SMC1A: variants seen among roughly 807,000 people sequenced by gnomAD.
The protein encoded by SMC1A is structural maintenance of chromosomes protein 1A.
SMC1A carries 4 observed loss-of-function variants against 94.5 expected under a neutral mutation model. That is an observed-to-expected ratio of 0.04 (90% CI 0.02 to 0.10). The LOEUF is 0.10. Ranked by LOEUF, SMC1A falls within the 10% of genes least tolerant of loss-of-function variation. The pLI, the probability that SMC1A is intolerant of heterozygous loss-of-function variation, is 1.00. For synonymous variants in SMC1A, 345 were observed against 347.7 expected (o/e 0.99, Z 0.09); for missense variants, 304 against 989.0 (o/e 0.31, Z 9.29).
At chrX:53,400,692 T>TC (rs2075667674) in intron 15 of SMC1A, among the ~76,000 whole-genome samples, 1 of 111,196 alleles carries the variant, frequency 9.0e-6, no homozygotes, top group Non-Finnish European at 1.9e-5. Context: ...CCTCTCCATC[T>TC]CTTCAGAAAC....
chrX:53,393,528 T>C (rs2075637573), intron 19 of SMC1A, among the ~76,000 whole-genome samples: 1 of 111,732 alleles, frequency 8.9e-6, no homozygotes, highest in Non-Finnish European at 1.9e-5. Context: ...TTTTCAGATA[T>C]AATATTATGG....
intron 19 of SMC1A, among the ~76,000 whole-genome samples, chrX:53,384,400 AC>A (rs2075596820): frequency 9.1e-6 from 1 of 109,526 alleles, no homozygotes; most frequent in African/African-American, 3.3e-5. Context: ...AGTAGCTGGG[AC>A]TACGGACACG....
At chrX:53,384,712 C>T (rs1176902077) in intron 19 of SMC1A, among the ~76,000 whole-genome samples, 2 of 111,249 alleles carry the variant, frequency 1.8e-5, no homozygotes, top group Non-Finnish European at 3.8e-5. Context: ...TTTTGGGAGC[C>T]TGTCAGGAAA....
chrX:53,386,843 TGGTTAGAC>T (rs1314261905), intron 19 of SMC1A, among the ~76,000 whole-genome samples: 1 of 112,135 alleles, frequency 8.9e-6, no homozygotes, highest in African/African-American at 3.2e-5. Flanking sequence ...TATATTAAGC[TGGTTAGAC>T]ACTCAGATAA....
intron 15 of SMC1A, among the ~76,000 whole-genome samples, chrX:53,403,049 C>A (rs1182881908): frequency 3.0e-5 from 3 of 99,678 alleles, no homozygotes; most frequent in Non-Finnish European, 4.0e-5. Flanking sequence ...ATTAGCCGGG[C>A]GTGGTGGCAA....
intron 24 of SMC1A, among the ~76,000 whole-genome samples, 172 bp from the exon 25 acceptor site, chrX:53,380,358 C>T (rs782204265): frequency 9.0e-6 from 1 of 111,648 alleles, no homozygotes; most frequent in South Asian, 3.8e-4. Context: ...TGCCTTCGCT[C>T]CTTGCCTACT....
chrX:53,415,427 C>A (rs782659301), intron 1 of SMC1A, among the ~76,000 whole-genome samples: 21 of 110,851 alleles, frequency 1.9e-4, no homozygotes, highest in Non-Finnish European at 1.5e-4. Flanking sequence ...GTGACTCACA[C>A]CTGTAATCCC....
chrX:53,413,750 T>C (rs1295053941), intron 3 of SMC1A, among the ~76,000 whole-genome samples: 14 of 111,255 alleles, frequency 1.3e-4, no homozygotes, highest in East Asian at 1.1e-3. Flanking sequence ...GTGCTGAGTT[T>C]GGAAGCTGGA....
At chrX:53,414,700 G>A (rs2075725494) in intron 3 of SMC1A, 58 bp downstream of exon 3, 3 of 711,632 alleles carry the variant, frequency 4.2e-6, no homozygotes, top group South Asian at 4.2e-5. Context: ...CAGACAGAGT[G>A]GGGATGGGAC....
chrX:53,403,740 C>A, intron 14 of SMC1A, 37 bp downstream of exon 14: 1 of 1,170,270 alleles, frequency 8.5e-7, no homozygotes, highest in Non-Finnish European at 1.2e-6. Flanking sequence ...CAGTCCTGCC[C>A]TGACACACAC....
chrX:53,388,991 C>T (rs1399373980), intron 19 of SMC1A, among the ~76,000 whole-genome samples: 1 of 79,841 alleles, frequency 1.3e-5, no homozygotes, highest in Non-Finnish European at 2.3e-5. Flanking sequence ...AGCAAGACTC[C>T]ATCTCAAAAA....
chrX:53,413,391 T>C lies in SMC1A; in HGVS notation c.456A>G (p.Thr152=), dbSNP rs782690500. Residue 152 remains threonine, a synonymous_variant, in exon 4 of 25, where the codon ACA becomes ACG. Coordinates refer to ENST00000322213, the MANE Select transcript of SMC1A (RefSeq NM_006306.4). ...AACGACTAATCTCTTCAAATAGAGC[T>C]GTCCTCTCTTTGGGGTTCTTCATGG... The part of the protein sequence containing the change: ...SIAMKNPKER[T]ALFEEISRSG... 1 of 1,211,604 alleles carries C rather than the reference T, an allele frequency of 8.3e-7. No homozygotes were observed. Among genetic ancestry groups the C allele is most frequent in the South Asian group, 1.8e-5 (1 of 56,996 alleles).
At chrX:53,402,477 G>A (rs1427962858) in intron 15 of SMC1A, among the ~76,000 whole-genome samples, 2 of 108,320 alleles carry the variant, frequency 1.8e-5, no homozygotes, top group Non-Finnish European at 1.9e-5. Flanking sequence ...TGCCCATTAT[G>A]ATAATAACAA....
intron 16 of SMC1A, among the ~76,000 whole-genome samples, chrX:53,399,053 T>A: frequency 9.0e-6 from 1 of 110,554 alleles, no homozygotes; most frequent in Middle Eastern, 4.6e-3. Flanking sequence ...GCCTGGCCAA[T>A]ATGGTGAAAC....
At chrX:53,411,486 A>T (rs1009803396) in intron 7 of SMC1A, among the ~76,000 whole-genome samples, 1 of 110,998 alleles carries the variant, frequency 9.0e-6, no homozygotes, top group Non-Finnish European at 1.9e-5. Context: ...GCTACTCAGG[A>T]GGCTGAGGCA....
In SMC1A at chrX:53,405,528, G is replaced by A. The variant is rs1556889577; in HGVS notation, c.1876C>T (p.Arg626Cys). ...ALVCDNVEDA[R>C]RIAFGGHQRH... ...TGGTGGCCTCCAAAGGCAATGCGGC[G>A]GGCATCTTCCACGTTGTCACAGACA... The change falls in exon 11 of 25, where the codon CGC (arginine) becomes TGC (cysteine). Residue 626 changes from arginine (R) to cysteine (C), a missense_variant. Arg to Cys is a radical substitution (Grantham distance 180). This residue lies in a region of SMC1A where 57 missense variants were observed against 278.1 expected (regional missense o/e 0.20). Transcript: ENST00000322213. 1.7e-6 allele frequency: 2 copies of A among 1,212,072 alleles called. No homozygotes were observed. Among genetic ancestry groups the A allele is most frequent in the Non-Finnish European group, 2.2e-6 (2 of 895,593 alleles).
chrX:53,380,839 G>A, intron 23 of SMC1A, 109 bp from the exon 24 acceptor site: 1 of 660,516 alleles, frequency 1.5e-6, no homozygotes, highest in Non-Finnish European at 2.5e-6. Flanking sequence ...GAGGAAGGTG[G>A]GGAAAAGAGA....
At chrX:53,380,241 G>A (rs1383044443) in intron 24 of SMC1A, 55 bp from the exon 25 acceptor site, 1 of 922,916 alleles carries the variant, frequency 1.1e-6, no homozygotes, top group Non-Finnish European at 1.6e-6. Flanking sequence ...AATTAAGAGG[G>A]GTCTAGTGCC....
In SMC1A at chrX:53,382,435, G is replaced by A. The variant is rs782690554; in HGVS notation, c.3286-52C>T. 58 of 1,194,525 alleles carry A rather than the reference G, an allele frequency of 4.9e-5. No homozygotes were observed. In the South Asian group the frequency reaches 9.8e-4, roughly 20 times the overall value. The stretch of plus-strand genomic sequence containing the variant: ...CTGTATCTGAGACTGGATGGAGATA[G>A]GGACAGGAAGCCTAGAGGGAAGGAC... On this transcript the variant is annotated intron_variant, in intron 21 of 24. Coordinates refer to ENST00000322213, the MANE Select transcript of SMC1A (RefSeq NM_006306.4).
Sources: gnomAD v4.1 joint callset for allele counts (sites outside exome capture counted in the v4.1 genomes callset) on GRCh38, gnomAD v4.1.1 for gene constraint, gnomAD v4.1.1 regional missense constraint, MANE v1.5 for transcripts, NCBI Gene and HGNC (gene_info 2026-07-23, HGNC 2026-07-21) for gene names.